The following NTRK3 variants were observed in gnomAD, a reference collection of about 807,000 sequenced individuals.
The protein encoded by NTRK3 is NT-3 growth factor receptor.
A neutral mutation model predicts 91.7 loss-of-function variants in NTRK3; 24 were observed. The observed-to-expected ratio is 0.26, with a 90% CI of 0.19 to 0.37. The LOEUF is 0.37. Among genes scored for constraint, NTRK3 ranks in the 10% least tolerant of loss-of-function variants. The pLI is 1.00. For missense variants in NTRK3, 880 were observed against 1,068.9 expected (o/e 0.82, Z 2.46); for synonymous variants, 483 against 404.0 (o/e 1.20, Z -2.34).
intron 6 of NTRK3, among the ~76,000 whole-genome samples, chr15:88,140,581 A>T (rs1276228237): frequency 6.6e-6 from 1 of 152,238 alleles, no homozygotes; most frequent in African/African-American, 2.4e-5. Flanking sequence ...AGTATCTACC[A>T]ATTAGAAATT....
intron 13 of NTRK3, among the ~76,000 whole-genome samples, chr15:88,104,472 G>A (rs534370674): frequency 3.3e-5 from 5 of 152,244 alleles, no homozygotes; most frequent in African/African-American, 7.2e-5. Flanking sequence ...AGTCTTTCAC[G>A]AGGCTAAAGA....
chr15:88,173,935 C>A (rs7174045), intron 5 of NTRK3, among the ~76,000 whole-genome samples: 2 of 152,196 alleles, frequency 1.3e-5, no homozygotes, highest in African/African-American at 2.4e-5. Context: ...AAAATGGGGA[C>A]AACAATGATG....
At chr15:88,188,570 C>T (rs2151653017) in intron 3 of NTRK3, among the ~76,000 whole-genome samples, 1 of 152,354 alleles carries the variant, frequency 6.6e-6, no homozygotes, top group South Asian at 2.1e-4. Flanking sequence ...AAGCAAGAGT[C>T]TCATGGCTTA....
At chr15:88,219,598 C>G (rs569444117) in intron 3 of NTRK3, among the ~76,000 whole-genome samples, 1 of 152,376 alleles carries the variant, frequency 6.6e-6, no homozygotes, top group African/African-American at 2.4e-5. Flanking sequence ...CGACTAAACC[C>G]AAACTTCTAC....
chr15:88,133,329 G>A (rs1219772702), intron 10 of NTRK3, among the ~76,000 whole-genome samples: 1 of 152,102 alleles, frequency 6.6e-6, no homozygotes, highest in South Asian at 2.1e-4. Context: ...AGGAGAGAAC[G>A]GAGAAGCTGT....
rs780412112 is a variant in NTRK3, at chr15:88,184,305, G to C, written c.249-6C>G. Reference sequence around the variant, plus strand: ...TGCGCCAGTTCTCTATGTGTCTGCAGGGGAGGAGGAAAGGTAACGGTCAGC... The same window carrying C: ...TGCGCCAGTTCTCTATGTGTCTGCACGGGAGGAGGAAAGGTAACGGTCAGC... On this transcript the variant is annotated splice_region_variant and splice_polypyrimidine_tract_variant and intron_variant, in intron 3 of 18. Coordinates refer to ENST00000394480, the Ensembl canonical transcript of NTRK3. 64 of 1,614,000 alleles carry C rather than the reference G, an allele frequency of 4.0e-5. No individual in the cohort carries two copies. The highest frequency in any genetic ancestry group is 5.3e-5 in the Non-Finnish European group (63 of 1,179,924).
chr15:88,244,057 T>C (rs2052609780), intron 3 of NTRK3, among the ~76,000 whole-genome samples: 1 of 152,182 alleles, frequency 6.6e-6, no homozygotes, highest in Non-Finnish European at 1.5e-5. Context: ...CAGAATACAC[T>C]TGCTGTTCTC....
chr15:88,053,169 AAT>A (rs2045378295), intron 13 of NTRK3, among the ~76,000 whole-genome samples: 1 of 152,154 alleles, frequency 6.6e-6, no homozygotes, highest in African/African-American at 2.4e-5. Flanking sequence ...TAAACCAATA[AAT>A]ATATGTCATT....
chr15:88,033,273 C>T (rs1365330478), intron 13 of NTRK3, among the ~76,000 whole-genome samples: 20 of 134,152 alleles, frequency 1.5e-4, no homozygotes, highest in African/African-American at 5.7e-4. Flanking sequence ...ATCAGATATA[C>T]ATGGCTTACA....
At chr15:87,939,117 C>A (rs896120758) in intron 15 of NTRK3, among the ~76,000 whole-genome samples, 1 of 152,198 alleles carries the variant, frequency 6.6e-6, no homozygotes, top group Middle Eastern at 3.4e-3. Flanking sequence ...AAAATATTTA[C>A]CTTTAGAGAA....
exon 19 of NTRK3, chr15:87,862,497 G>A (rs758973846): frequency 4.4e-6 from 1 of 227,992 alleles, no homozygotes; most frequent in Non-Finnish European, 8.7e-6. Context: ...ACATCTGTCA[G>A]ATAGAAGGCA....
At chr15:88,068,804 C>T (rs538427490) in intron 13 of NTRK3, among the ~76,000 whole-genome samples, 2 of 151,856 alleles carry the variant, frequency 1.3e-5, no homozygotes, top group South Asian at 4.2e-4. Flanking sequence ...TTTTGGGGCT[C>T]CAGGGAGATG....
chr15:88,251,629 G>A (rs1010659508), intron 3 of NTRK3, among the ~76,000 whole-genome samples: 2 of 152,246 alleles, frequency 1.3e-5, no homozygotes, highest in Non-Finnish European at 2.9e-5. Flanking sequence ...TACCAAAGGA[G>A]GGCCTCAGGC....
chr15:88,018,366 G>T (rs1269745896), intron 14 of NTRK3, among the ~76,000 whole-genome samples: 1 of 152,202 alleles, frequency 6.6e-6, no homozygotes, highest in Admixed American at 6.5e-5. Context: ...CAAAAGGTGG[G>T]GGTGTGGGTG....
exon 14 of NTRK3, chr15:88,032,881 G>A (rs2078682393): frequency 1.9e-6 from 3 of 1,613,798 alleles, no homozygotes; most frequent in African/African-American, 1.3e-5. Flanking sequence ...TGGCAGTTGT[G>A]TCCCTGACGG....
At chr15:88,231,969 T>C (rs4887393) in intron 3 of NTRK3, among the ~76,000 whole-genome samples, 124,601 of 152,180 alleles carry the variant, frequency 0.82, 51,864 homozygotes, top group East Asian at 0.98. Flanking sequence ...TCTTCCTAGA[T>C]TTTCAGTGAC....
At chr15:88,114,742 G>T (rs1298543624) in intron 13 of NTRK3, among the ~76,000 whole-genome samples, 2 of 152,152 alleles carry the variant, frequency 1.3e-5, no homozygotes, top group African/African-American at 2.4e-5. Flanking sequence ...TTATCCCAGT[G>T]GCAGGAAATT....
intron 5 of NTRK3, among the ~76,000 whole-genome samples, chr15:88,155,633 A>C (rs911679768): frequency 3.9e-5 from 6 of 152,236 alleles, no homozygotes; most frequent in Non-Finnish European, 8.8e-5. Context: ...AAAAAGTGTG[A>C]CAACCCCTTG....
chr15:88,133,899 T>C (rs979161364), intron 10 of NTRK3, among the ~76,000 whole-genome samples: 3 of 152,196 alleles, frequency 2.0e-5, no homozygotes, highest in Admixed American at 6.5e-5. Flanking sequence ...GAATTTAGCT[T>C]AATGCAGCCA....
Sources: allele counts gnomAD v4.1 joint callset (sites outside exome capture counted in the v4.1 genomes callset), GRCh38; gene constraint gnomAD v4.1.1; transcripts MANE v1.5; gene names NCBI Gene and HGNC (gene_info 2026-07-23, HGNC 2026-07-21).